Variants in SLC25A47 observed in about 807,000 individuals in gnomAD.
SLC25A47 encodes the protein solute carrier family 25 member 47.
Under a neutral mutation model 29.8 loss-of-function variants are expected in SLC25A47, and 30 were observed. The ratio of observed to expected loss-of-function variants is 1.01; its 90% CI spans 0.75 to 1.36. The LOEUF (loss-of-function observed/expected upper bound fraction) is 1.36. SLC25A47 is among the 40% of genes most tolerant of loss of function. SLC25A47 has a pLI of 0.00. For missense variants in SLC25A47, 430 were observed against 441.9 expected, an observed-to-expected ratio of 0.97 and a Z score of 0.24; for synonymous variants, 204 against 197.8, an observed-to-expected ratio of 1.03 and a Z score of -0.26.
Position 100,329,652 on chromosome 14 carries a change from C to T in SLC25A47, c.*7C>T. 1 of 1,599,598 alleles carries T rather than the reference C, an allele frequency of 6.3e-7. No homozygotes were observed. The highest frequency in any genetic ancestry group is 8.5e-7 in the Non-Finnish European group (1 of 1,171,628). On this transcript the variant is annotated 3_prime_UTR_variant, in exon 6 of 6. Transcript: ENST00000361529. ...CCGGGGTCTGCTCACATAGCCGGTCCCCACGCCCAGCGGCCCACCCACCAG... is the reference window on the plus strand; with the variant it reads ...CCGGGGTCTGCTCACATAGCCGGTCTCCACGCCCAGCGGCCCACCCACCAG...
intron 1 of SLC25A47, 100 bp from the exon 2 acceptor site, chr14:100,325,688 G>A (rs777424975): frequency 4.8e-6 from 6 of 1,259,746 alleles, no homozygotes; most frequent in African/African-American, 1.5e-5. Flanking sequence ...GCCCTTGGGG[G>A]AGCCCAGTCA....
chr14:100,326,178 A>G lies in SLC25A47; in HGVS notation c.94A>G (p.Lys32Glu). Residue 32 changes from lysine (K) to glutamate (E), a missense_variant, in exon 3 of 6, where the codon AAG (lysine) becomes GAG (glutamate). Transcript: ENST00000361529. ...TVKVRIQTEP[K>E]YTGIWHCVRD... The stretch of plus-strand genomic sequence containing the variant: ...GCAGGTCAGGATCCAGACGGAGCCA[A>G]AGTACACAGGCATCTGGCACTGCGT... 1 of 1,613,786 alleles carries G rather than the reference A, an allele frequency of 6.2e-7. No homozygotes were observed. Among genetic ancestry groups the G allele is most frequent in the Non-Finnish European group, 8.5e-7 (1 of 1,179,944 alleles).
Position 100,330,168 on chromosome 14 carries a change from T to G in SLC25A47, c.*523T>G. On this transcript the variant is annotated 3_prime_UTR_variant, in exon 6 of 6. Transcript: ENST00000361529. ...ACTGAGGGCTCCCGGCTCGGCTTCT[T>G]CCCCACAGCAGGCTGCTCAGAGGGG... is the stretch of plus-strand genomic sequence containing the variant. 1 of 159,264 alleles carries G rather than the reference T, an allele frequency of 6.3e-6. No homozygotes were observed. The highest frequency in any genetic ancestry group is 1.4e-5 in the Non-Finnish European group (1 of 71,856). 9.9% of individuals were successfully genotyped at this position (159,264 alleles called of 1,614,324 possible). A position where few individuals can be genotyped will look rare whatever the true frequency, so the allele number is the denominator to read the frequency against.
chr14:100,329,226 G>C (rs775363397), intron 5 of SLC25A47, 139 bp from the exon 6 acceptor site: 7 of 1,198,886 alleles, frequency 5.8e-6, no homozygotes, highest in Non-Finnish European at 8.1e-6. Context: ...CACAGAGTCA[G>C]TGTGTGGTTG....
At position 100,329,529 on chromosome 14, in the gene SLC25A47, C is replaced by A. The variant is rs1173699798; in HGVS notation, c.811C>A (p.Pro271Thr). 1.7e-5 allele frequency: 28 copies of A among 1,613,410 alleles called. No homozygotes were observed. Among genetic ancestry groups the A allele is most frequent in the Non-Finnish European group, 2.2e-5 (26 of 1,180,008 alleles). ...CMVTSVREEG[P>T]RVLFKGLVLN... ...GGTGACCAGCGTTCGAGAGGAGGGA[C>A]CCCGGGTCCTTTTCAAGGGGCTGGT... is the stretch of plus-strand genomic sequence containing the variant. The change falls in exon 6 of 6, where the codon CCC becomes ACC. Residue 271 changes from proline (P) to threonine (T), a missense_variant. Coordinates refer to ENST00000361529, the MANE Select transcript of SLC25A47 (RefSeq NM_207117.4).
intron 3 of SLC25A47, among the ~76,000 whole-genome samples, chr14:100,326,712 G>T (rs1000963451): frequency 9.9e-5 from 15 of 152,196 alleles, no homozygotes; most frequent in Admixed American, 3.9e-4. Context: ...GGTGGCTTAC[G>T]CCTGTAATCC....
chr14:100,329,439 A>T lies in SLC25A47; in HGVS notation c.721A>T (p.Ile241Phe). The T allele has an allele frequency of 6.2e-7, 1 of 1,613,346 alleles. No individual in the cohort carries two copies. Among genetic ancestry groups the T allele is most frequent in the Non-Finnish European group, 8.5e-7 (1 of 1,179,980 alleles). The stretch of plus-strand genomic sequence containing the variant: ...GGCTGTGGCCACCCCCATGGACGTG[A>T]TCAAGTCGAGACTGCAGGCAGACGG... ...AWAVATPMDV[I>F]KSRLQADGQG... Residue 241 changes from isoleucine (I) to phenylalanine (F), a missense_variant, in exon 6 of 6, where the codon ATC (isoleucine) becomes TTC (phenylalanine). Transcript: ENST00000361529.
chr14:100,325,075 T>C (rs1247845366), intron 1 of SLC25A47, among the ~76,000 whole-genome samples: 4 of 152,216 alleles, frequency 2.6e-5, no homozygotes, highest in Non-Finnish European at 5.9e-5. Flanking sequence ...TTTCTTCCAT[T>C]GGCCTTTACC....
rs1893281116 is a variant in SLC25A47 at position 100,323,365 on chromosome 14, A to G, written c.-50A>G. ...CTGTTGAGGCCACCCTGGTGGCACCAAAGCCCTCTCAGGCAGGCAGACCCA... is the reference window on the plus strand; with the variant it reads ...CTGTTGAGGCCACCCTGGTGGCACCGAAGCCCTCTCAGGCAGGCAGACCCA... On this transcript the variant is annotated 5_prime_UTR_variant, in exon 1 of 6. Transcript: ENST00000361529. 4 of 1,610,662 alleles carry G rather than the reference A, an allele frequency of 2.5e-6. No homozygotes were observed. The highest frequency in any genetic ancestry group is 3.4e-6 in the Non-Finnish European group (4 of 1,178,780).
intron 1 of SLC25A47, among the ~76,000 whole-genome samples, chr14:100,325,132 T>C (rs1893313183): frequency 6.6e-6 from 1 of 152,160 alleles, no homozygotes; most frequent in Non-Finnish European, 1.5e-5. Context: ...CCACCCTGTT[T>C]CCCCTCTGAC....
rs755163132 is a variant in SLC25A47, at chr14:100,329,693, G to A, written c.*48G>A. The A allele has an allele frequency of 8.3e-6, 13 of 1,570,404 alleles. No individual in the cohort carries two copies. The highest frequency in any genetic ancestry group is 3.5e-5 in the Admixed American group (2 of 57,890). On this transcript the variant is annotated 3_prime_UTR_variant, in exon 6 of 6. Transcript: ENST00000361529. ...CACCCACCAGCAGCTGCTGGAGGTC[G>A]TAGTGGCTGGAGGAGGCAAGGGGTA...
At chr14:100,327,447 G>A (rs1893363029) in intron 4 of SLC25A47, 77 bp downstream of exon 4, 2 of 1,458,824 alleles carry the variant, frequency 1.4e-6, no homozygotes, top group Non-Finnish European at 1.8e-6. Flanking sequence ...CTGGCAGGTG[G>A]GGAAACTGAG....
At position 100,329,191 on chromosome 14, in the gene SLC25A47, A is replaced by G. The variant is rs1358986906; in HGVS notation, c.646+147A>G. On this transcript the variant is annotated intron_variant, in intron 5 of 5. Coordinates refer to ENST00000361529, the MANE Select transcript of SLC25A47 (RefSeq NM_207117.4). ...TGGGCTCCTCAGTTCTCCCAACACCAAGAGTCAGGACAGACTTGCTGTGTC... is the reference window on the plus strand; with the variant it reads ...TGGGCTCCTCAGTTCTCCCAACACCGAGAGTCAGGACAGACTTGCTGTGTC... 4.2e-6 allele frequency: 5 copies of G among 1,201,288 alleles called. No individual in the cohort carries two copies. In the African/African-American group the frequency reaches 6.1e-5, roughly 15 times the overall value. 74.4% of individuals were successfully genotyped at this position (1,201,288 alleles called of 1,614,324 possible). A position where few individuals can be genotyped will look rare whatever the true frequency, so the allele number is the denominator to read the frequency against.
rs867800260 is a variant in SLC25A47 at position 100,328,870 on chromosome 14, A to G, written c.472A>G (p.Lys158Glu). 2 of 1,612,052 alleles carry G rather than the reference A, an allele frequency of 1.2e-6. No individual in the cohort carries two copies. The highest frequency in any genetic ancestry group is 2.7e-5 in the African/African-American group (2 of 74,936). The change falls in exon 5 of 6, where the codon AAG becomes GAG. Residue 158 changes from lysine to glutamate, a missense_variant. Transcript: ENST00000361529. The part of the protein sequence containing the change: ...CPVPPACPEP[K>E]YRGPLHCLAT... ...TGTGCCCCCAGCCTGCCCAGAGCCC[A>G]AGTACCGCGGGCCACTGCACTGCCT...
intron 1 of SLC25A47, among the ~76,000 whole-genome samples, chr14:100,324,205 C>T (rs1044733044): frequency 6.6e-6 from 1 of 152,110 alleles, no homozygotes; most frequent in African/African-American, 2.4e-5. Context: ...GGCAGAGTAC[C>T]TGCCCCATTA....
chr14:100,328,662 A>T, intron 4 of SLC25A47, 64 bp from the exon 5 acceptor site: 1 of 1,520,130 alleles, frequency 6.6e-7, no homozygotes, highest in Non-Finnish European at 9.1e-7. Flanking sequence ...GGCTGGTGGG[A>T]GGCCAGGTCC....
chr14:100,328,833 C>G lies in SLC25A47; in HGVS notation c.435C>G (p.Pro145=), dbSNP rs1323575618. The G allele has an allele frequency of 6.2e-7, 1 of 1,612,410 alleles. No homozygotes were observed. Among genetic ancestry groups the G allele is most frequent in the Non-Finnish European group, 8.5e-7 (1 of 1,179,702 alleles). ...RLSASGPLAV[P]PMCPVPPACP... ...CGGCCTCGGGGCCGTTGGCTGTGCC[C>G]CCCATGTGTCCTGTGCCCCCAGCCT... The change falls in exon 5 of 6, where the codon CCC becomes CCG. Residue 145 remains proline, a synonymous_variant. Transcript: ENST00000361529.
In SLC25A47 at chr14:100,323,384, A is replaced by C. The variant is rs760095104; in HGVS notation, c.-31A>C. On this transcript the variant is annotated 5_prime_UTR_variant, in exon 1 of 6. Transcript: ENST00000361529. Reference sequence around the variant, plus strand: ...GGCACCAAAGCCCTCTCAGGCAGGCAGACCCAGGGCCTCCCCGCCACACCT... The same window carrying C: ...GGCACCAAAGCCCTCTCAGGCAGGCCGACCCAGGGCCTCCCCGCCACACCT... The C allele has an allele frequency of 6.2e-7, 1 of 1,612,578 alleles. No individual in the cohort carries two copies. The highest frequency in any genetic ancestry group is 8.5e-7 in the Non-Finnish European group (1 of 1,179,672).
intron 4 of SLC25A47, among the ~76,000 whole-genome samples, chr14:100,328,275 C>T (rs184376853): frequency 6.6e-6 from 1 of 152,112 alleles, no homozygotes; most frequent in African/African-American, 2.4e-5. Flanking sequence ...CCAAGCCCGG[C>T]TAATTTTTGT....
Sources: gnomAD v4.1 joint callset for allele counts (sites outside exome capture counted in the v4.1 genomes callset) on GRCh38, gnomAD v4.1.1 for gene constraint, MANE v1.5 for transcripts, NCBI Gene and HGNC (gene_info 2026-07-23, HGNC 2026-07-21) for gene names.